BCL2: variants seen among roughly 807,000 people sequenced by gnomAD.
BCL2 encodes the protein BCL2 apoptosis regulator.
A neutral mutation model predicts 14.2 loss-of-function variants in BCL2; 1 was observed. That is an observed-to-expected ratio of 0.07 (90% CI 0.02 to 0.33). BCL2 has a LOEUF of 0.33. Among genes scored for constraint, BCL2 ranks in the 10% least tolerant of loss-of-function variants. The probability of loss-of-function intolerance (pLI) is 0.99; values close to 1 mark genes in which losing one functional copy is unlikely to be tolerated. For missense variants in BCL2, 247 were observed against 305.9 expected, an observed-to-expected ratio of 0.81 and a Z score of 1.44; for synonymous variants, 151 against 137.2, an observed-to-expected ratio of 1.10 and a Z score of -0.70.
chr18:63,222,332 A>G (rs901717334), intron 2 of BCL2, among the ~76,000 whole-genome samples: 2 of 151,788 alleles, frequency 1.3e-5, no homozygotes, highest in Non-Finnish European at 2.9e-5. Flanking sequence ...AAACAAAGAA[A>G]AGGAAAAATA....
chr18:63,236,454 T>C (rs1910832237), intron 2 of BCL2, among the ~76,000 whole-genome samples: 1 of 152,212 alleles, frequency 6.6e-6, no homozygotes, highest in Non-Finnish European at 1.5e-5. Context: ...CGCCCTACCC[T>C]TGACATTATG....
At chr18:63,180,388 C>A (rs1279221643) in intron 2 of BCL2, among the ~76,000 whole-genome samples, 1 of 152,268 alleles carries the variant, frequency 6.6e-6, no homozygotes, top group Admixed American at 6.5e-5. Flanking sequence ...CAGCAGGAAT[C>A]CCTTCTCCTC....
intron 2 of BCL2, among the ~76,000 whole-genome samples, chr18:63,240,792 A>C (rs1293745472): frequency 6.6e-6 from 1 of 152,222 alleles, no homozygotes; most frequent in Non-Finnish European, 1.5e-5. Flanking sequence ...AGATGAATAC[A>C]TGACTTGTCT....
At chr18:63,212,182 T>A (rs7243201) in intron 2 of BCL2, among the ~76,000 whole-genome samples, 2 of 150,720 alleles carry the variant, frequency 1.3e-5, no homozygotes, top group South Asian at 2.1e-4. Context: ...AAAAATTAGC[T>A]GGGCGTGGTG....
At position 63,318,369 on chromosome 18, in the gene BCL2, C is replaced by T. The variant is rs1184034130; in HGVS notation, c.298G>A (p.Ala100Thr). ...PPVVHLTLRQ[A>T]GDDFSRRYRR... Reference sequence around the variant, plus strand: ...TAGCGGCGGGAGAAGTCGTCGCCGGCCTGGCGGAGGGTCAGGTGGACCACA... The same window carrying T: ...TAGCGGCGGGAGAAGTCGTCGCCGGTCTGGCGGAGGGTCAGGTGGACCACA... The change falls in exon 2 of 3, where the codon GCC becomes ACC. Residue 100 changes from alanine (A) to threonine (T), a missense_variant. Ala to Thr is a moderately conservative substitution (Grantham distance 58, BLOSUM62 0). Coordinates refer to ENST00000333681, the MANE Select transcript of BCL2 (RefSeq NM_000633.3). This position sits in a 1 kb window ranked among gnomAD's most constrained non-coding sequence, Gnocchi z 7.4. The T allele has an allele frequency of 6.2e-7, 1 of 1,602,988 alleles. No individual in the cohort carries two copies. The highest frequency in any genetic ancestry group is 1.7e-5 in the Admixed American group (1 of 59,508).
intron 2 of BCL2, among the ~76,000 whole-genome samples, chr18:63,164,806 G>C (rs1352614035): frequency 6.6e-6 from 1 of 152,220 alleles, no homozygotes; most frequent in South Asian, 2.1e-4. Flanking sequence ...GTGAACGTCA[G>C]CGTTCAAGGT....
At chr18:63,282,783 A>G (rs1912352540) in intron 2 of BCL2, among the ~76,000 whole-genome samples, 1 of 152,212 alleles carries the variant, frequency 6.6e-6, no homozygotes, top group African/African-American at 2.4e-5. Flanking sequence ...AGCAGTAAAT[A>G]TATATAGATA....
intron 2 of BCL2, among the ~76,000 whole-genome samples, chr18:63,133,391 A>T (rs2144589617): frequency 7.2e-6 from 1 of 138,706 alleles, no homozygotes; most frequent in East Asian, 2.2e-4. Context: ...CCCAGGTTCA[A>T]GCAATTCTTC....
At chr18:63,133,828 GTTAT>G (rs1479083460) in intron 2 of BCL2, among the ~76,000 whole-genome samples, 3 of 152,130 alleles carry the variant, frequency 2.0e-5, no homozygotes, top group Admixed American at 1.3e-4. Context: ...TTCACTTCCA[GTTAT>G]TTATTTTGGA....
intron 2 of BCL2, among the ~76,000 whole-genome samples, chr18:63,225,889 G>A (rs189423026): frequency 2.4e-4 from 36 of 152,298 alleles, no homozygotes; most frequent in South Asian, 4.1e-4. Flanking sequence ...ATCCATGGAC[G>A]CCTTAAGTGC....
chr18:63,222,426 A>C (rs1015152763), intron 2 of BCL2, among the ~76,000 whole-genome samples: 2 of 146,886 alleles, frequency 1.4e-5, no homozygotes, highest in African/African-American at 5.0e-5. Flanking sequence ...GAAAAAAAAA[A>C]CTTTAAATCC....
In BCL2 at chr18:63,226,185, C is replaced by T. The variant is rs532791664; in HGVS notation, c.585+91897G>A. 5.3e-5 allele frequency among the ~76,000 whole-genome samples: 8 copies of T among 152,316 alleles called. No homozygotes were observed. The South Asian group carries it at 1.7e-3, about 32-fold the overall frequency. On this transcript the variant is annotated intron_variant, in intron 2 of 2. Coordinates refer to ENST00000333681, the MANE Select transcript of BCL2 (RefSeq NM_000633.3). ...CCTCTGAACTCAAGCCACTTCTCTCCAACGTCCAACTGTAGTCTTCAACAT... is the reference window on the plus strand; with the variant it reads ...CCTCTGAACTCAAGCCACTTCTCTCTAACGTCCAACTGTAGTCTTCAACAT...
At chr18:63,221,422 A>G (rs1910388000) in intron 2 of BCL2, among the ~76,000 whole-genome samples, 1 of 152,208 alleles carries the variant, frequency 6.6e-6, no homozygotes, top group Non-Finnish European at 1.5e-5. Flanking sequence ...TTGGGGGAAA[A>G]AAAGGGAAAA....
Position 63,123,718 on chromosome 18 carries a change from AG to A in BCL2, c.*4906del, listed in dbSNP as rs992097445. On this transcript the variant is annotated 3_prime_UTR_variant, in exon 3 of 3. Transcript: ENST00000333681. The stretch of plus-strand genomic sequence containing the variant: ...GCAAACCTTGGTTGAAAACTTAAGA[AG>A]GTATAATAAACAAAACCACCAAAAG... The A allele has an allele frequency of 2.8e-5, 6 of 214,890 alleles. No homozygotes were observed. The highest frequency in any genetic ancestry group is 1.4e-4 in the African/African-American group (6 of 44,284). The allele number at this position is 214,890 out of a possible 1,614,324, so 13.3% of individuals were successfully genotyped here. A position where few individuals can be genotyped will look rare whatever the true frequency, so the allele number is the denominator to read the frequency against.
intron 2 of BCL2, chr18:63,317,725 T>G: frequency 8.9e-7 from 1 of 1,123,202 alleles, no homozygotes; most frequent in Non-Finnish European, 1.1e-6. Flanking sequence ...CTCCCTCCGG[T>G]TCCAACAAGC....
chr18:63,278,443 C>G (rs1422091330), intron 2 of BCL2, among the ~76,000 whole-genome samples: 1 of 152,190 alleles, frequency 6.6e-6, no homozygotes, highest in Non-Finnish European at 1.5e-5. Context: ...AGCAAGAATC[C>G]TACTAGTTTT....
intron 2 of BCL2, among the ~76,000 whole-genome samples, chr18:63,218,565 CCAAT>C (rs1910272846): frequency 8.1e-6 from 1 of 122,710 alleles, no homozygotes; most frequent in African/African-American, 3.0e-5. Flanking sequence ...AGAGTCTTGG[CCAAT>C]CAAATTCTGA....
intron 2 of BCL2, among the ~76,000 whole-genome samples, chr18:63,150,703 T>C (rs1365508787): frequency 6.6e-6 from 1 of 152,034 alleles, no homozygotes; most frequent in Admixed American, 6.5e-5. Context: ...AGTCTCCAGG[T>C]AGGAAAAAAG....
At chr18:63,158,275 C>T (rs1481030) in intron 2 of BCL2, among the ~76,000 whole-genome samples, 151,338 of 152,286 alleles carry the variant, frequency 0.99, 75,205 homozygotes, top group East Asian at 1. Flanking sequence ...TTCCTTGAGG[C>T]GTATTAATGA....
Sources: allele counts gnomAD v4.1 joint callset (sites outside exome capture counted in the v4.1 genomes callset), GRCh38; gene constraint gnomAD v4.1.1; non-coding constraint Gnocchi (gnomAD v3.1); transcripts MANE v1.5; gene names NCBI Gene and HGNC (gene_info 2026-07-23, HGNC 2026-07-21).